MYOM2: variants seen among roughly 807,000 people sequenced by gnomAD.
The protein encoded by MYOM2 is myomesin 2.
Under a neutral mutation model 187.6 loss-of-function variants are expected in MYOM2, and 254 were observed. The ratio of observed to expected loss-of-function variants is 1.35; its 90% CI spans 1.22 to 1.50. MYOM2 has a LOEUF of 1.50. MYOM2 is among the 40% of genes most tolerant of loss of function. The pLI is 0.00. For missense variants in MYOM2, 2,796 were observed against 1,924.0 expected, an observed-to-expected ratio of 1.45 and a Z score of -8.48; for synonymous variants, 981 against 753.8, an observed-to-expected ratio of 1.30 and a Z score of -4.94.
intron 31 of MYOM2, among the ~76,000 whole-genome samples, chr8:2,125,224 CTTATGT>C (rs1797595160): frequency 2.0e-5 from 3 of 152,164 alleles, no homozygotes; most frequent in Non-Finnish European, 4.4e-5. Context: ...AGTTTCAGGT[CTTATGT>C]TTAAGTCTTT....
chr8:2,082,958 C>T (rs1420151796), intron 13 of MYOM2, among the ~76,000 whole-genome samples: 5 of 152,096 alleles, frequency 3.3e-5, no homozygotes, highest in Admixed American at 3.3e-4. Context: ...AAGACCTAAG[C>T]CTCGACCCCA....
At chr8:2,059,031 C>A in intron 5 of MYOM2, 122 bp from the exon 6 acceptor site, 2 of 756,694 alleles carry the variant, frequency 2.6e-6, no homozygotes, top group Non-Finnish European at 2.2e-6. Flanking sequence ...GTCCTCCTCC[C>A]GCCTGAGGCT....
intron 20 of MYOM2, 100 bp downstream of exon 20, chr8:2,101,154 T>C: frequency 3.3e-6 from 4 of 1,197,304 alleles, no homozygotes; most frequent in South Asian, 2.8e-5. Flanking sequence ...GAAACCAGCC[T>C]GGCCAACATG....
intron 6 of MYOM2, among the ~76,000 whole-genome samples, chr8:2,065,176 A>G (rs1818975280): frequency 6.6e-6 from 1 of 152,212 alleles, no homozygotes. Context: ...AAATACCCAC[A>G]ATGTGTTTAT....
At chr8:2,100,837 G>A (rs777683182) in intron 19 of MYOM2, 39 bp from the exon 20 acceptor site, 2 of 1,610,112 alleles carry the variant, frequency 1.2e-6, no homozygotes, top group Non-Finnish European at 1.7e-6. Context: ...TGCTGGACTG[G>A]CTATGCGCGC....
At chr8:2,056,362 C>T (rs1818663489) in intron 3 of MYOM2, among the ~76,000 whole-genome samples, 1 of 152,096 alleles carries the variant, frequency 6.6e-6, no homozygotes, top group African/African-American at 2.4e-5. Flanking sequence ...TCAGTGGGAC[C>T]TTGGGAACGC....
intron 8 of MYOM2, among the ~76,000 whole-genome samples, chr8:2,071,817 G>A (rs1024095927): frequency 2.0e-5 from 3 of 152,246 alleles, no homozygotes; most frequent in Non-Finnish European, 4.4e-5. Flanking sequence ...GCCTCCTCCC[G>A]GGTTGCTGAC....
intron 14 of MYOM2, among the ~76,000 whole-genome samples, chr8:2,087,393 G>T (rs967719632): frequency 3.9e-5 from 6 of 152,066 alleles, no homozygotes; most frequent in African/African-American, 1.2e-4. Flanking sequence ...GCCTTCTCTG[G>T]TTATTTGCAA....
At chr8:2,123,159 G>A in intron 28 of MYOM2, 93 bp from the exon 29 acceptor site, 1 of 790,704 alleles carries the variant, frequency 1.3e-6, no homozygotes, top group Admixed American at 3.1e-5. Context: ...GTTTTTTGAG[G>A]GGGGGGCTCT....
chr8:2,061,040 G>C (rs553186598), intron 6 of MYOM2, among the ~76,000 whole-genome samples: 1 of 152,234 alleles, frequency 6.6e-6, no homozygotes, highest in East Asian at 1.9e-4. Flanking sequence ...GACATCCCTG[G>C]GGATGGAGGG....
chr8:2,047,887 G>A (rs11786403), intron 1 of MYOM2, among the ~76,000 whole-genome samples: 7,159 of 152,256 alleles, frequency 0.047, 213 homozygotes, highest in South Asian at 0.061. Flanking sequence ...CGGATGTCAC[G>A]TCAGTGATAC....
chr8:2,067,730 G>C (rs967930988), intron 6 of MYOM2, among the ~76,000 whole-genome samples: 1 of 145,558 alleles, frequency 6.9e-6, no homozygotes, highest in East Asian at 2.1e-4. Context: ...TGTGAGCCTG[G>C]CTATTCCTAA....
chr8:2,123,210 C>T, intron 28 of MYOM2, 42 bp from the exon 29 acceptor site: 1 of 1,306,502 alleles, frequency 7.7e-7, no homozygotes, highest in Middle Eastern at 1.9e-4. Context: ...TCTCATGAGT[C>T]AGAATGATTT....
Position 2,106,354 on chromosome 8 carries a change from G to A in MYOM2, c.2847G>A (p.Glu949=), listed in dbSNP as rs1326319629. ...TCACCTGGTGTAAATCCTACGAGGA[G>A]ATTTCAGATGATGAGAGGTTTAAAA... The part of the protein sequence containing the change: ...SQFTWCKSYE[E]ISDDERFKIE... The change falls in exon 22 of 37, where the codon GAG becomes GAA. Residue 949 remains glutamate (E), a synonymous_variant. Transcript: ENST00000262113. 6.2e-7 allele frequency: 1 copy of A among 1,614,208 alleles called. No individual in the cohort carries two copies. The highest frequency in any genetic ancestry group is 8.5e-7 in the Non-Finnish European group (1 of 1,180,018).
intron 6 of MYOM2, among the ~76,000 whole-genome samples, chr8:2,061,051 C>G (rs80332011): frequency 0.88 from 133,592 of 152,052 alleles, 58,794 homozygotes; most frequent in East Asian, 0.99. Flanking sequence ...GGATGGAGGG[C>G]TGAGGAGCCC....
intron 3 of MYOM2, among the ~76,000 whole-genome samples, chr8:2,054,557 G>C (rs1220365170): frequency 1.3e-5 from 2 of 152,228 alleles, no homozygotes; most frequent in Non-Finnish European, 2.9e-5. Context: ...ACTTGGGGTT[G>C]GCTGTGGGAG....
intron 13 of MYOM2, among the ~76,000 whole-genome samples, chr8:2,084,040 C>A (rs7818329): frequency 0.011 from 1,632 of 152,330 alleles, 36 homozygotes; most frequent in African/African-American, 0.038. Context: ...GGTTTGCTTC[C>A]CTCATCAGCA....
At chr8:2,109,649 T>C in intron 25 of MYOM2, 118 bp downstream of exon 25, 1 of 1,147,224 alleles carries the variant, frequency 8.7e-7, no homozygotes, top group Non-Finnish European at 1.2e-6. Context: ...GCCTTAAAGA[T>C]TGGGGCATGG....
At chr8:2,060,223 C>G (rs1417984656) in intron 6 of MYOM2, among the ~76,000 whole-genome samples, 1 of 152,164 alleles carries the variant, frequency 6.6e-6, no homozygotes, top group Non-Finnish European at 1.5e-5. Context: ...ACCTGACTGC[C>G]TGTTTTTGAA....
Sources: allele counts gnomAD v4.1 joint callset (sites outside exome capture counted in the v4.1 genomes callset), GRCh38; gene constraint gnomAD v4.1.1; transcripts MANE v1.5; gene names NCBI Gene and HGNC (gene_info 2026-07-23, HGNC 2026-07-21).